NPHP4: variants seen among roughly 807,000 people sequenced by gnomAD.
NPHP4 encodes the protein nephrocystin 4, also known as nephrocystin-4.
Under a neutral mutation model 155.8 loss-of-function variants are expected in NPHP4, and 151 were observed. The observed-to-expected ratio is 0.97, with a 90% confidence interval of 0.85 to 1.11. The LOEUF is 1.11. Among genes scored for constraint, NPHP4 ranks in the 50% least tolerant of loss-of-function variants. NPHP4 has a pLI of 0.00. For missense variants in NPHP4, 1,956 were observed against 1,925.7 expected (o/e 1.02, Z -0.29); for synonymous variants, 845 against 816.8 (o/e 1.03, Z -0.59).
At position 5,877,213 on chromosome 1, in the gene NPHP4, C is replaced by T. The variant is rs1395306148; in HGVS notation, c.2697G>A (p.Lys899=). 6.2e-7 allele frequency: 1 copy of T among 1,607,134 alleles called. No individual in the cohort carries two copies. Among genetic ancestry groups the T allele is most frequent in the Non-Finnish European group, 8.5e-7 (1 of 1,176,350 alleles). ...AMLLTHARQG[K]GPQDVSRESD... is the part of the protein sequence containing the mutation. ...ACTCGCGGCTGACGTCCTGGGGCCC[C>T]TTGCCCTGCCGGGCATGGGTCAGTA... The change falls in exon 20 of 30, where the codon AAG becomes AAA. Residue 899 remains lysine, a synonymous_variant. Coordinates refer to ENST00000378156, the MANE Select transcript of NPHP4 (RefSeq NM_015102.5).
chr1:5,875,534 C>T (rs1374044463), intron 20 of NPHP4, among the ~76,000 whole-genome samples: 3 of 152,236 alleles, frequency 2.0e-5, no homozygotes, highest in Admixed American at 6.5e-5. Flanking sequence ...GACATGCCCC[C>T]GGCCTGCTGA....
intron 2 of NPHP4, among the ~76,000 whole-genome samples, chr1:5,978,643 C>T (rs780024800): frequency 6.6e-6 from 1 of 152,180 alleles, no homozygotes; most frequent in Admixed American, 6.5e-5. Flanking sequence ...GGAACAGACA[C>T]AGGCTTCTGA....
At chr1:5,949,512 ACACT>A (rs1647523117) in intron 7 of NPHP4, among the ~76,000 whole-genome samples, 1 of 152,042 alleles carries the variant, frequency 6.6e-6, no homozygotes, top group African/African-American at 2.4e-5. Context: ...TGTCCTGGTG[ACACT>A]CACCACAGGA....
intron 23 of NPHP4, among the ~76,000 whole-genome samples, chr1:5,872,875 A>T (rs545051309): frequency 6.6e-6 from 1 of 152,288 alleles, no homozygotes; most frequent in South Asian, 2.1e-4. Flanking sequence ...GTAACCAAGG[A>T]CTACGTCTTA....
chr1:5,907,776 G>A (rs1007428212), intron 12 of NPHP4, among the ~76,000 whole-genome samples: 2 of 152,206 alleles, frequency 1.3e-5, no homozygotes, highest in African/African-American at 4.8e-5. Context: ...TTTTGCCTCA[G>A]TCTCCTCACC....
chr1:5,899,890 A>C (rs1260971876), intron 16 of NPHP4, among the ~76,000 whole-genome samples: 4 of 152,244 alleles, frequency 2.6e-5, no homozygotes, highest in African/African-American at 9.6e-5. Context: ...ATATAAAAAG[A>C]CATCTGTTCA....
chr1:5,927,785 C>T lies in NPHP4; in HGVS notation c.1305G>A (p.Val435=), dbSNP rs748546621. 7 of 1,609,594 alleles carry T rather than the reference C, an allele frequency of 4.3e-6. No homozygotes were observed. The highest frequency in any genetic ancestry group is 6.0e-6 in the Non-Finnish European group (7 of 1,176,232). Reference sequence around the variant, plus strand: ...GGAGTGTACCCGACTCCACCTGCTTCACCTGCAATGGACCAGAAGAGCAGT... The same window carrying T: ...GGAGTGTACCCGACTCCACCTGCTTTACCTGCAATGGACCAGAAGAGCAGT... ...VPSASMSSEE[V]KQVESGTLRF... is the part of the protein sequence containing the mutation. Residue 435 remains valine, a splice_region_variant and synonymous_variant, in exon 11 of 30, where the codon GTG becomes GTA. Coordinates refer to ENST00000378156, the MANE Select transcript of NPHP4 (RefSeq NM_015102.5).
chr1:5,969,674 G>A (rs1005512809), intron 3 of NPHP4, among the ~76,000 whole-genome samples: 3 of 152,148 alleles, frequency 2.0e-5, no homozygotes, highest in Non-Finnish European at 4.4e-5. Context: ...AGCCCAAGAC[G>A]TAACACATCC....
At chr1:5,913,505 T>C (rs114549102) in intron 11 of NPHP4, among the ~76,000 whole-genome samples, 107 of 152,350 alleles carry the variant, frequency 7.0e-4, no homozygotes, top group Non-Finnish European at 1.3e-3. Context: ...TACTTTTCTG[T>C]CAATTTAGCT....
chr1:5,880,032 C>T, intron 19 of NPHP4, 82 bp downstream of exon 19: 3 of 1,018,370 alleles, frequency 2.9e-6, no homozygotes, highest in South Asian at 1.8e-5. Flanking sequence ...CACACGCATG[C>T]ACACACACAC....
At chr1:5,984,664 G>A (rs1408937023) in intron 2 of NPHP4, among the ~76,000 whole-genome samples, 2 of 152,240 alleles carry the variant, frequency 1.3e-5, no homozygotes, top group Non-Finnish European at 2.9e-5. Context: ...AAAACACACT[G>A]TATCTAGGGT....
chr1:5,898,271 G>A (rs1644492691), intron 16 of NPHP4, among the ~76,000 whole-genome samples: 2 of 152,212 alleles, frequency 1.3e-5, no homozygotes, highest in South Asian at 4.1e-4. Flanking sequence ...AAGGGTTGAA[G>A]GCACCAAGCC....
At chr1:5,958,851 T>A (rs1185491864) in intron 6 of NPHP4, among the ~76,000 whole-genome samples, 1 of 6,326 alleles carries the variant, frequency 1.6e-4, no homozygotes, top group Non-Finnish European at 3.2e-4. Flanking sequence ...AGCCAGACCC[T>A]GTCTCAAAAA....
intron 10 of NPHP4, among the ~76,000 whole-genome samples, chr1:5,931,603 G>A (rs961766764): frequency 2.6e-5 from 4 of 151,262 alleles, no homozygotes; most frequent in African/African-American, 9.7e-5. Context: ...GCATGGTGGT[G>A]GGCACCTATA....
chr1:5,943,841 T>TTGGAGAGACA (rs1344679567), intron 9 of NPHP4, among the ~76,000 whole-genome samples: 2 of 152,134 alleles, frequency 1.3e-5, no homozygotes, highest in Non-Finnish European at 2.9e-5. Flanking sequence ...GCCCTGTCTT[T>TTGGAGAGACA]TGGAGAGACA....
intron 7 of NPHP4, among the ~76,000 whole-genome samples, chr1:5,951,680 A>T (rs1648090578): frequency 6.6e-6 from 1 of 152,254 alleles, no homozygotes; most frequent in African/African-American, 2.4e-5. Flanking sequence ...GTGACAGTTC[A>T]TCAGGCCCAA....
intron 16 of NPHP4, among the ~76,000 whole-genome samples, chr1:5,894,308 C>T (rs1425789068): frequency 6.6e-6 from 1 of 152,080 alleles, no homozygotes; most frequent in African/African-American, 2.4e-5. Flanking sequence ...ACAAAAACTG[C>T]CCAGGCATAG....
At chr1:5,863,579 C>A (rs375376415) in intron 29 of NPHP4, 174 bp from the exon 30 acceptor site, 1 of 716,618 alleles carries the variant, frequency 1.4e-6, no homozygotes. Context: ...GGATGGGAAC[C>A]AGTGCTCAGC....
At position 5,910,383 on chromosome 1, in the gene NPHP4, A is replaced by T. The variant is rs962345559; in HGVS notation, c.1442-1170T>A. 2.6e-5 allele frequency among the ~76,000 whole-genome samples: 4 copies of T among 152,022 alleles called. No individual in the cohort carries two copies. Among genetic ancestry groups the T allele is most frequent in the Non-Finnish European group, 5.9e-5 (4 of 67,984 alleles). On this transcript the variant is annotated intron_variant, in intron 11 of 29. Coordinates refer to ENST00000378156, the MANE Select transcript of NPHP4 (RefSeq NM_015102.5). The surrounding 1 kb of genome is among the most constrained non-coding windows in gnomAD (Gnocchi z 5.4). ...CCAGGATAACCCAGACCTCCGGAGA[A>T]ATCAGGCTTCCCCCATGGCCCTGTC...
Sources: gnomAD v4.1 joint callset for allele counts (sites outside exome capture counted in the v4.1 genomes callset) on GRCh38, gnomAD v4.1.1 for gene constraint, Gnocchi (gnomAD v3.1) non-coding constraint, MANE v1.5 for transcripts, NCBI Gene and HGNC (gene_info 2026-07-23, HGNC 2026-07-21) for gene names.